Variants in AFF4 observed in about 807,000 individuals in gnomAD.
The protein encoded by AFF4 is ALF transcription elongation factor 4.
AFF4 carries 13 observed loss-of-function variants against 124.8 expected under a neutral mutation model. The ratio of observed to expected loss-of-function variants is 0.10; its 90% CI spans 0.07 to 0.17. The LOEUF is 0.17. Ranked by LOEUF, AFF4 falls within the 10% of genes least tolerant of loss-of-function variation. The pLI is 1.00. For synonymous variants in AFF4, 477 were observed against 496.1 expected (o/e 0.96, Z 0.51); for missense variants, 1,092 against 1,403.8 (o/e 0.78, Z 3.55).
rs748897651 is a variant in AFF4, at chr5:132,937,225, G to A, written c.-4-32C>T. ...AAAGAAACACAATCTTTGTATCACA[G>A]AAATAAAAGGAAAAATTAAATATTC... On this transcript the variant is annotated intron_variant, in intron 1 of 20. Transcript: ENST00000265343. 12 of 1,561,856 alleles carry A rather than the reference G, an allele frequency of 7.7e-6. No homozygotes were observed. The East Asian group carries it at 9.3e-5, about 12-fold the overall frequency.
Position 132,927,164 on chromosome 5 carries a change from G to A in AFF4, c.1007C>T (p.Thr336Ile). 4.3e-6 allele frequency: 7 copies of A among 1,612,282 alleles called. No individual in the cohort carries two copies. The highest frequency in any genetic ancestry group is 5.9e-6 in the Non-Finnish European group (7 of 1,179,458). Residue 336 changes from threonine (T) to isoleucine (I), a missense_variant, in exon 5 of 21, where the codon ACA (threonine) becomes ATA (isoleucine). Physicochemically the swap from Thr to Ile is moderately conservative, Grantham distance 89. Around this residue, in one of 11 missense-constraint regions of AFF4, gnomAD observed 148 missense variants for 196.3 expected, o/e 0.75. Transcript: ENST00000265343. ...TTTGGAAGGTTCTGTTTTGCATGGT[G>A]TATGAATAGCCGTTAGAGGGGGAGG... ...SWPPPLTAIH[T>I]PCKTEPSKFP... is the part of the protein sequence containing the mutation.
chr5:132,906,524 CTACATTATACTATTTATATAAAA>C (rs578162641), intron 5 of AFF4, among the ~76,000 whole-genome samples: 61 of 152,220 alleles, frequency 4.0e-4, no homozygotes, highest in Non-Finnish European at 7.1e-4. Flanking sequence ...AGACCACATA[CTACATTATACTATTTATATAAAA>C]TGTTTAGAAC....
At position 132,899,181 on chromosome 5, in the gene AFF4, A is replaced by G. The variant is rs1187218698; in HGVS notation, c.1189-40T>C. The G allele has an allele frequency of 1.9e-6, 3 of 1,576,550 alleles. No homozygotes were observed. In the African/African-American group the frequency reaches 4.1e-5, roughly 21 times the overall value. ...TAAGAAAGAATCTGTGAATGAATAA[A>G]CAGTATTCTATTTGCTTAGTGTGAA... On this transcript the variant is annotated intron_variant, in intron 8 of 20. Transcript: ENST00000265343.
intron 13 of AFF4, among the ~76,000 whole-genome samples, chr5:132,891,322 AAT>A (rs1760249800): frequency 6.6e-6 from 1 of 152,190 alleles, no homozygotes; most frequent in Non-Finnish European, 1.5e-5. Context: ...CCAGTTAATA[AAT>A]ATAATAGCTT....
chr5:132,918,877 GTTGT>G lies in AFF4; in HGVS notation c.1050+8240_1050+8243del, dbSNP rs1165774584. On this transcript the variant is annotated intron_variant, in intron 5 of 20. Coordinates refer to ENST00000265343, the MANE Select transcript of AFF4 (RefSeq NM_014423.4). ...ACTTTTATGTTGAAATTGACAAGGT[GTTGT>G]TTGTTTGTTTTTTTTTTTTTTTGAG... 2.0e-3 allele frequency among the ~76,000 whole-genome samples: 295 copies of G among 144,668 alleles called. 1 individual carries two copies. The highest frequency in any genetic ancestry group is 3.3e-3 in the Non-Finnish European group (221 of 66,624). 94.9% of individuals were successfully genotyped at this position (144,668 alleles called of 152,430 possible).
chr5:132,935,792 G>A (rs1168972140), intron 2 of AFF4, among the ~76,000 whole-genome samples: 4 of 151,370 alleles, frequency 2.6e-5, no homozygotes, highest in African/African-American at 9.7e-5. Context: ...GCAAGGTGGT[G>A]CACGCCTGTA....
chr5:132,955,650 C>T (rs1197732136), intron 1 of AFF4, among the ~76,000 whole-genome samples: 1 of 151,272 alleles, frequency 6.6e-6, no homozygotes, highest in South Asian at 2.1e-4. Flanking sequence ...TGGTGGCGGG[C>T]GCCTGTAATC....
chr5:132,884,492 G>A (rs538892524), intron 19 of AFF4, among the ~76,000 whole-genome samples: 5 of 152,142 alleles, frequency 3.3e-5, no homozygotes, highest in South Asian at 2.1e-4. Flanking sequence ...TGCCCACCTC[G>A]GCCTCTCAAA....
At chr5:132,952,525 G>A (rs1156263807) in intron 1 of AFF4, among the ~76,000 whole-genome samples, 3 of 152,100 alleles carry the variant, frequency 2.0e-5, no homozygotes, top group Non-Finnish European at 2.9e-5. Flanking sequence ...TTCAAAAGTG[G>A]TGCTCCACCG....
At chr5:132,945,705 C>A (rs751521147) in intron 1 of AFF4, among the ~76,000 whole-genome samples, 3 of 151,876 alleles carry the variant, frequency 2.0e-5, no homozygotes, top group Non-Finnish European at 4.4e-5. Flanking sequence ...TGAGCCAACA[C>A]TGCACCACTG....
intron 20 of AFF4, among the ~76,000 whole-genome samples, chr5:132,882,560 A>C (rs1760007209): frequency 2.6e-5 from 4 of 152,150 alleles, no homozygotes; most frequent in Admixed American, 2.6e-4. Context: ...AATTTTAAAG[A>C]ATGTTAAGAA....
intron 5 of AFF4, among the ~76,000 whole-genome samples, chr5:132,904,705 T>C (rs891775377): frequency 6.6e-6 from 1 of 152,144 alleles, no homozygotes; most frequent in African/African-American, 2.4e-5. Context: ...AAATTCTTGG[T>C]CTTAAGAAAA....
intron 6 of AFF4, 136 bp from the exon 7 acceptor site, chr5:132,902,623 C>G: frequency 1.5e-6 from 1 of 689,528 alleles, no homozygotes; most frequent in Non-Finnish European, 2.6e-6. Context: ...GTAACACCTT[C>G]AAGCCCAATA....
In AFF4 at chr5:132,879,549, G is replaced by C. The variant is rs114873524; in HGVS notation, c.*1510C>G. ...GAAAGAATTGAACATTATTATTGTAGAAGACCAATCATGTATGGACGATCT... is the reference window on the plus strand; with the variant it reads ...GAAAGAATTGAACATTATTATTGTACAAGACCAATCATGTATGGACGATCT... On this transcript the variant is annotated 3_prime_UTR_variant, in exon 21 of 21. Transcript: ENST00000265343. The C allele has an allele frequency of 1.5e-4, 31 of 204,826 alleles. No individual in the cohort carries two copies. Among genetic ancestry groups the C allele is most frequent in the Non-Finnish European group, 2.6e-4 (26 of 99,750 alleles). The allele number at this position is 204,826 out of a possible 1,614,324, so 12.7% of individuals were successfully genotyped here. A position where few individuals can be genotyped will look rare whatever the true frequency, so the allele number is the denominator to read the frequency against.
chr5:132,894,363 A>T (rs1760335696), intron 11 of AFF4, among the ~76,000 whole-genome samples: 1 of 152,222 alleles, frequency 6.6e-6, no homozygotes, highest in Non-Finnish European at 1.5e-5. Flanking sequence ...TGATCATAGC[A>T]CAGCCTAGTG....
At chr5:132,938,867 C>A (rs1253963643) in intron 1 of AFF4, among the ~76,000 whole-genome samples, 1 of 135,112 alleles carries the variant, frequency 7.4e-6, no homozygotes, top group Non-Finnish European at 1.5e-5. Context: ...GGCGTGAACC[C>A]GGGAGGCAGA....
chr5:132,960,911 G>A (rs1430675673), intron 1 of AFF4, among the ~76,000 whole-genome samples: 1 of 151,996 alleles, frequency 6.6e-6, no homozygotes, highest in Admixed American at 6.6e-5. Context: ...CATATAGTAG[G>A]CTTCTGCTTG....
At chr5:132,905,946 G>A (rs2150078973) in intron 5 of AFF4, among the ~76,000 whole-genome samples, 1 of 152,154 alleles carries the variant, frequency 6.6e-6, no homozygotes, top group East Asian at 1.9e-4. Flanking sequence ...AACAAGACAA[G>A]CCAATTAAAA....
Position 132,916,330 on chromosome 5 carries a change from A to T in AFF4, c.1050+10791T>A, listed in dbSNP as rs1760910861. Among the ~76,000 whole-genome samples the T allele has an allele frequency of 3.3e-5, 5 of 149,430 alleles. No homozygotes were observed. In the Admixed American group the frequency reaches 3.3e-4, roughly 10 times the overall value. Reference sequence around the variant, plus strand: ...ATCAACCCAGTGCTTTGAGAGGCTTAGACAGGAGGATTGCTTTAGCCCAGG... The same window carrying T: ...ATCAACCCAGTGCTTTGAGAGGCTTTGACAGGAGGATTGCTTTAGCCCAGG... On this transcript the variant is annotated intron_variant, in intron 5 of 20. Transcript: ENST00000265343.
Sources: gnomAD v4.1 joint callset for allele counts (sites outside exome capture counted in the v4.1 genomes callset) on GRCh38, gnomAD v4.1.1 for gene constraint, gnomAD v4.1.1 regional missense constraint, MANE v1.5 for transcripts, NCBI Gene and HGNC (gene_info 2026-07-23, HGNC 2026-07-21) for gene names.